Variants in NRG3 observed in about 807,000 individuals in gnomAD.
NRG3 encodes the protein pro-neuregulin-3, membrane-bound isoform.
NRG3 carries 31 observed loss-of-function variants against 66.9 expected under a neutral mutation model. That is an observed-to-expected ratio of 0.46 (90% CI 0.35 to 0.63). The LOEUF is 0.63. Among genes scored for constraint, NRG3 ranks in the 20% least tolerant of loss-of-function variants. The pLI is 0.00. For missense variants in NRG3, 910 were observed against 878.9 expected, an observed-to-expected ratio of 1.04 and a Z score of -0.45; for synonymous variants, 393 against 359.4, an observed-to-expected ratio of 1.09 and a Z score of -1.06.
chr10:81,938,618 A>AGTGTGTGTGTGTGTGT (rs373196547), intron 1 of NRG3, among the ~76,000 whole-genome samples: 2 of 144,194 alleles, frequency 1.4e-5, no homozygotes, highest in Admixed American at 6.9e-5. Flanking sequence ...GAGTTCTGAC[A>AGTGTGTGTGTGTGTGT]GTGTGTGTGT....
In NRG3 at chr10:82,624,484, A is replaced by G. The variant is rs553668454; in HGVS notation, c.954-114093A>G. On this transcript the variant is annotated intron_variant, in intron 2 of 8. Coordinates refer to ENST00000372141, the MANE Select transcript of NRG3 (RefSeq NM_001010848.4). ...TTCCTATCTTTAATCATGAGCAATTAAGTCACAGTGGAATATCTCTTTGCC... is the reference window on the plus strand; with the variant it reads ...TTCCTATCTTTAATCATGAGCAATTGAGTCACAGTGGAATATCTCTTTGCC... Among the ~76,000 whole-genome samples the G allele has an allele frequency of 5.9e-5, 9 of 152,178 alleles. No homozygotes were observed. In the South Asian group the frequency reaches 1.0e-3, roughly 18 times the overall value.
chr10:82,930,025 T>C (rs568027644), intron 4 of NRG3, among the ~76,000 whole-genome samples: 5 of 152,360 alleles, frequency 3.3e-5, no homozygotes, highest in Admixed American at 3.3e-4. Context: ...TATCTGCCCA[T>C]TTCTTCCTTA....
intron 2 of NRG3, among the ~76,000 whole-genome samples, chr10:82,639,406 T>G (rs1459234892): frequency 6.6e-6 from 1 of 152,148 alleles, no homozygotes; most frequent in African/African-American, 2.4e-5. Flanking sequence ...ACCTGGGGAT[T>G]TAGGTTTGAA....
intron 2 of NRG3, among the ~76,000 whole-genome samples, chr10:82,457,870 G>T (rs540361362): frequency 6.6e-6 from 1 of 152,258 alleles, no homozygotes; most frequent in Admixed American, 6.5e-5. Flanking sequence ...TGTTCTCCCT[G>T]GGCTGATTTT....
chr10:82,278,283 G>C (rs1290515130), intron 1 of NRG3, among the ~76,000 whole-genome samples: 1 of 152,016 alleles, frequency 6.6e-6, no homozygotes, highest in Non-Finnish European at 1.5e-5. Context: ...GCTAAGACCA[G>C]GAGAAGGTGC....
chr10:82,682,302 T>A (rs1591151314), intron 2 of NRG3, among the ~76,000 whole-genome samples: 1 of 152,296 alleles, frequency 6.6e-6, no homozygotes, highest in East Asian at 1.9e-4. Context: ...GCTACCATTG[T>A]GTTTGTGAAT....
At chr10:82,470,984 T>A (rs1317550353) in intron 2 of NRG3, among the ~76,000 whole-genome samples, 1 of 152,124 alleles carries the variant, frequency 6.6e-6, no homozygotes, top group Non-Finnish European at 1.5e-5. Flanking sequence ...GTCTTTCTTT[T>A]TTGATGGTCC....
intron 4 of NRG3, among the ~76,000 whole-genome samples, chr10:82,873,373 A>G (rs1209727337): frequency 6.6e-6 from 1 of 152,156 alleles, no homozygotes; most frequent in Non-Finnish European, 1.5e-5. Flanking sequence ...GGGAAAATAT[A>G]GATTTTTACA....
intron 2 of NRG3, among the ~76,000 whole-genome samples, chr10:82,381,895 C>G (rs946825532): frequency 6.6e-6 from 1 of 152,066 alleles, no homozygotes; most frequent in South Asian, 2.1e-4. Flanking sequence ...TTGCTTATCA[C>G]GTGAGTTTTT....
intron 1 of NRG3, among the ~76,000 whole-genome samples, chr10:82,122,879 G>A (rs763183554): frequency 7.2e-5 from 11 of 151,758 alleles, no homozygotes; most frequent in Non-Finnish European, 8.8e-5. Context: ...CATGATGTCC[G>A]CTGTCATTAT....
At chr10:82,538,389 A>T (rs901751849) in intron 2 of NRG3, among the ~76,000 whole-genome samples, 1 of 152,222 alleles carries the variant, frequency 6.6e-6, no homozygotes. Context: ...CATTTCAACT[A>T]GAAATTTAGT....
chr10:82,028,572 T>C (rs1039628769), intron 1 of NRG3, among the ~76,000 whole-genome samples: 1 of 152,068 alleles, frequency 6.6e-6, no homozygotes, highest in Non-Finnish European at 1.5e-5. Flanking sequence ...TTTGGCCAAA[T>C]TGAATGATAG....
At chr10:82,147,778 T>G (rs914861892) in intron 1 of NRG3, among the ~76,000 whole-genome samples, 1 of 152,206 alleles carries the variant, frequency 6.6e-6, no homozygotes, top group Non-Finnish European at 1.5e-5. Context: ...TTTATTTCTG[T>G]GAATGCTCTG....
chr10:82,948,363 T>G (rs958427518), intron 4 of NRG3, among the ~76,000 whole-genome samples: 2 of 152,134 alleles, frequency 1.3e-5, no homozygotes, highest in African/African-American at 4.8e-5. Flanking sequence ...TTCCACAACT[T>G]TGTTCTCTTG....
chr10:81,986,152 A>C (rs967503142), intron 1 of NRG3, among the ~76,000 whole-genome samples: 3 of 152,204 alleles, frequency 2.0e-5, no homozygotes, highest in Non-Finnish European at 4.4e-5. Context: ...TGAAGCCAGG[A>C]ATTATTTTTC....
Position 82,120,891 on chromosome 10 carries a change from A to G in NRG3, c.824-237848A>G, listed in dbSNP as rs1372774628. Reference sequence around the variant, plus strand: ...TTACTGCCTGTCTGTATTCCTGCACATGCCTCCGTACCCATGTTTCTGCCT... The same window carrying G: ...TTACTGCCTGTCTGTATTCCTGCACGTGCCTCCGTACCCATGTTTCTGCCT... On this transcript the variant is annotated intron_variant, in intron 1 of 8. Transcript: ENST00000372141. Among the ~76,000 whole-genome samples the G allele has an allele frequency of 3.3e-5, 5 of 152,026 alleles. No homozygotes were observed. The South Asian group carries it at 6.2e-4, about 19-fold the overall frequency.
intron 1 of NRG3, among the ~76,000 whole-genome samples, chr10:82,093,064 T>A (rs1225488874): frequency 6.6e-6 from 1 of 152,224 alleles, no homozygotes; most frequent in Non-Finnish European, 1.5e-5. Flanking sequence ...CTCATTACTC[T>A]TCTTGTCAAG....
At chr10:82,621,263 G>A (rs2049020657) in intron 2 of NRG3, among the ~76,000 whole-genome samples, 1 of 152,184 alleles carries the variant, frequency 6.6e-6, no homozygotes, top group Admixed American at 6.5e-5. Flanking sequence ...TTTACATCAA[G>A]GATGGTGGAG....
At chr10:82,552,433 C>T (rs1407871591) in intron 2 of NRG3, among the ~76,000 whole-genome samples, 1 of 152,024 alleles carries the variant, frequency 6.6e-6, no homozygotes, top group Non-Finnish European at 1.5e-5. Context: ...AAAATTGTCT[C>T]TTATTTGAAG....
Sources: allele counts gnomAD v4.1 joint callset (sites outside exome capture counted in the v4.1 genomes callset), GRCh38; gene constraint gnomAD v4.1.1; transcripts MANE v1.5; gene names NCBI Gene and HGNC (gene_info 2026-07-23, HGNC 2026-07-21).